Variants in MAN2A1 observed in about 807,000 individuals in gnomAD.
MAN2A1 encodes the protein mannosidase alpha class 2A member 1.
A neutral mutation model predicts 142.6 loss-of-function variants in MAN2A1; 76 were observed. The ratio of observed to expected loss-of-function variants is 0.53; its 90% confidence interval spans 0.44 to 0.65. The LOEUF (loss-of-function observed/expected upper bound fraction) is 0.65. Among genes scored for constraint, MAN2A1 ranks in the 30% least tolerant of loss-of-function variants. The probability of loss-of-function intolerance (pLI) is 0.00; values close to 1 mark genes in which losing one functional copy is unlikely to be tolerated. For synonymous variants in MAN2A1, 559 were observed against 473.2 expected, an observed-to-expected ratio of 1.18 and a Z score of -2.35; for missense variants, 1,311 against 1,365.1, an observed-to-expected ratio of 0.96 and a Z score of 0.62.
chr5:109,746,167 G>T (rs1454331583), intron 4 of MAN2A1, among the ~76,000 whole-genome samples: 1 of 152,084 alleles, frequency 6.6e-6, no homozygotes, highest in Admixed American at 6.6e-5. Flanking sequence ...TGGAGATGGG[G>T]TTTCGCCATG....
At chr5:109,731,164 G>A (rs1751894455) in intron 4 of MAN2A1, among the ~76,000 whole-genome samples, 1 of 151,762 alleles carries the variant, frequency 6.6e-6, no homozygotes, top group African/African-American at 2.4e-5. Flanking sequence ...AATCAGATCA[G>A]GGTCATTGGG....
At chr5:109,812,046 G>T (rs781588598) in intron 12 of MAN2A1, among the ~76,000 whole-genome samples, 66 of 152,088 alleles carry the variant, frequency 4.3e-4, no homozygotes, top group Non-Finnish European at 8.1e-4. Flanking sequence ...GATGTGCCAG[G>T]GTCCTTGGTC....
intron 16 of MAN2A1, among the ~76,000 whole-genome samples, chr5:109,828,377 T>G (rs553103371): frequency 6.6e-6 from 1 of 152,282 alleles, no homozygotes; most frequent in East Asian, 1.9e-4. Context: ...AATTAGAAGA[T>G]AGAATATAAT....
intron 15 of MAN2A1, among the ~76,000 whole-genome samples, chr5:109,821,843 A>G (rs17162307): frequency 0.17 from 26,003 of 151,724 alleles, 3,217 homozygotes; most frequent in East Asian, 0.64. Context: ...TGTGTCATTT[A>G]GTTTGTTAAT....
intron 5 of MAN2A1, among the ~76,000 whole-genome samples, chr5:109,762,617 G>A (rs551218081): frequency 6.8e-4 from 104 of 152,266 alleles, no homozygotes; most frequent in African/African-American, 2.5e-3. Flanking sequence ...GGCAGGGTCA[G>A]TCTGAGAATG....
Position 109,842,312 on chromosome 5 carries a change from A to G in MAN2A1, c.2567-16A>G. ...AATTTCTTTCTATTAATCCATATAT[A>G]TTTTTTTAAATTTAGGAATAGAAGG... On this transcript the variant is annotated splice_polypyrimidine_tract_variant and intron_variant, in intron 16 of 21. Coordinates refer to ENST00000261483, the MANE Select transcript of MAN2A1 (RefSeq NM_002372.4). The G allele has an allele frequency of 6.8e-7, 1 of 1,476,670 alleles. No homozygotes were observed. The highest frequency in any genetic ancestry group is 9.1e-7 in the Non-Finnish European group (1 of 1,092,954). 91.5% of individuals were successfully genotyped at this position (1,476,670 alleles called of 1,614,324 possible).
chr5:109,747,665 T>C (rs1305061346), intron 4 of MAN2A1, among the ~76,000 whole-genome samples: 1 of 152,210 alleles, frequency 6.6e-6, no homozygotes, highest in African/African-American at 2.4e-5. Flanking sequence ...TTGTCCTCTT[T>C]GTTGCCTAAA....
At chr5:109,731,818 A>G (rs1194467240) in intron 4 of MAN2A1, among the ~76,000 whole-genome samples, 1 of 148,982 alleles carries the variant, frequency 6.7e-6, no homozygotes, top group Non-Finnish European at 1.5e-5. Context: ...GCCGCAATAA[A>G]CATACATGTG....
At chr5:109,740,648 A>G (rs1374818806) in intron 4 of MAN2A1, among the ~76,000 whole-genome samples, 1 of 152,168 alleles carries the variant, frequency 6.6e-6, no homozygotes, top group East Asian at 1.9e-4. Context: ...AGAGTCTGTG[A>G]TTAGTATCTG....
intron 13 of MAN2A1, among the ~76,000 whole-genome samples, chr5:109,818,772 G>T (rs1318307381): frequency 6.6e-6 from 1 of 152,086 alleles, no homozygotes; most frequent in African/African-American, 2.4e-5. Context: ...TTCACATATT[G>T]GATAAAAACA....
intron 5 of MAN2A1, among the ~76,000 whole-genome samples, chr5:109,763,691 CAT>C (rs1285837592): frequency 6.6e-6 from 1 of 151,966 alleles, no homozygotes; most frequent in Non-Finnish European, 1.5e-5. Context: ...GAATTTAGGA[CAT>C]GTTATTTTGG....
chr5:109,863,528 A>G (rs887850207), intron 20 of MAN2A1: 1 of 152,222 alleles, frequency 6.6e-6, no homozygotes, highest in African/African-American at 2.4e-5. Flanking sequence ...CTGCCCTACA[A>G]GGCAGTGTGA....
chr5:109,834,317 G>A (rs1755005541), intron 16 of MAN2A1, among the ~76,000 whole-genome samples: 1 of 152,054 alleles, frequency 6.6e-6, no homozygotes, highest in Non-Finnish European at 1.5e-5. Context: ...GTAGGGGAGT[G>A]TTTTAGTTAG....
chr5:109,788,065 G>A (rs575911938), intron 10 of MAN2A1, among the ~76,000 whole-genome samples: 7 of 151,848 alleles, frequency 4.6e-5, no homozygotes, highest in African/African-American at 1.4e-4. Context: ...CAACAAAAAT[G>A]TCTTCAAGGC....
chr5:109,783,817 C>T (rs1362981926), intron 9 of MAN2A1, among the ~76,000 whole-genome samples: 3 of 151,528 alleles, frequency 2.0e-5, no homozygotes, highest in African/African-American at 7.3e-5. Flanking sequence ...AATTATAGCC[C>T]CCATGTTCTT....
intron 12 of MAN2A1, among the ~76,000 whole-genome samples, chr5:109,802,563 T>G (rs1047936923): frequency 7.2e-5 from 11 of 152,288 alleles, no homozygotes; most frequent in Admixed American, 2.0e-4. Flanking sequence ...ATTTTGATTC[T>G]TCTAAATGGC....
At chr5:109,758,482 T>C (rs1015550921) in intron 5 of MAN2A1, among the ~76,000 whole-genome samples, 5 of 151,666 alleles carry the variant, frequency 3.3e-5, no homozygotes, top group Admixed American at 2.0e-4. Flanking sequence ...TTTTTCACTT[T>C]CTTGAAGGTG....
intron 12 of MAN2A1, among the ~76,000 whole-genome samples, chr5:109,813,412 A>G (rs193251539): frequency 6.6e-6 from 1 of 152,360 alleles, no homozygotes; most frequent in Non-Finnish European, 1.5e-5. Context: ...GTGAAATTGC[A>G]TTATAAGCCC....
At chr5:109,712,572 G>C (rs1230206967) in intron 1 of MAN2A1, among the ~76,000 whole-genome samples, 1 of 151,934 alleles carries the variant, frequency 6.6e-6, no homozygotes, top group Non-Finnish European at 1.5e-5. Context: ...TCCTGGTAAT[G>C]AGTATCCAGA....
Sources: allele counts gnomAD v4.1 joint callset (sites outside exome capture counted in the v4.1 genomes callset), GRCh38; gene constraint gnomAD v4.1.1; transcripts MANE v1.5; gene names NCBI Gene and HGNC (gene_info 2026-07-23, HGNC 2026-07-21).